The following ADAP2 variants were observed in gnomAD, a reference collection of about 807,000 sequenced individuals.
The protein encoded by ADAP2 is arf-GAP with dual PH domain-containing protein 2.
A neutral mutation model predicts 54.9 loss-of-function variants in ADAP2; 42 were observed. The observed-to-expected ratio is 0.77, with a 90% CI of 0.60 to 0.99. ADAP2 has a LOEUF of 0.99. Ranked by LOEUF, ADAP2 falls within the 50% of genes least tolerant of loss-of-function variation. The probability of loss-of-function intolerance (pLI) is 0.00; values close to 1 mark genes in which losing one functional copy is unlikely to be tolerated. For missense variants in ADAP2, 429 were observed against 480.4 expected (o/e 0.89, Z 1.00); for synonymous variants, 177 against 180.1 (o/e 0.98, Z 0.14).
chr17:30,941,421 T>G (rs1189802471), intron 5 of ADAP2, among the ~76,000 whole-genome samples: 1 of 152,246 alleles, frequency 6.6e-6, no homozygotes, highest in Non-Finnish European at 1.5e-5. Context: ...TAAACTTTTC[T>G]GAAAGCACCA....
intron 5 of ADAP2, among the ~76,000 whole-genome samples, chr17:30,939,475 CA>C (rs1358128862): frequency 6.8e-6 from 1 of 147,510 alleles, no homozygotes; most frequent in Admixed American, 6.8e-5. Context: ...CAAAGCACTT[CA>C]AAAAGTTCTT....
At position 30,957,926 on chromosome 17, in the gene ADAP2, G is replaced by A. The variant is rs1905190987; in HGVS notation, c.*57G>A. On this transcript the variant is annotated 3_prime_UTR_variant, in exon 11 of 11. Coordinates refer to ENST00000330889, the MANE Select transcript of ADAP2 (RefSeq NM_018404.3). Reference sequence around the variant, plus strand: ...CACCTGGAACTCCTTGTGGGAAGAAGTTTGCACCTCGGCCCTGGCTGCCCA... The same window carrying A: ...CACCTGGAACTCCTTGTGGGAAGAAATTTGCACCTCGGCCCTGGCTGCCCA... The A allele has an allele frequency of 6.4e-7, 1 of 1,565,086 alleles. No homozygotes were observed. Among genetic ancestry groups the A allele is most frequent in the Non-Finnish European group, 8.8e-7 (1 of 1,142,526 alleles).
chr17:30,953,432 G>A, intron 8 of ADAP2, 82 bp downstream of exon 8: 2 of 1,446,324 alleles, frequency 1.4e-6, no homozygotes, highest in African/African-American at 2.8e-5. Context: ...TGATTGTTAA[G>A]AGGACAGTGA....
chr17:30,930,964 G>A (rs1318019947), intron 3 of ADAP2, among the ~76,000 whole-genome samples: 1 of 152,138 alleles, frequency 6.6e-6, no homozygotes, highest in African/African-American at 2.4e-5. Flanking sequence ...TAACAATAGA[G>A]GTCTATTCCC....
Position 30,950,983 on chromosome 17 carries a change from C to G in ADAP2, c.741+1613C>G, listed in dbSNP as rs756390723. 3.3e-5 allele frequency among the ~76,000 whole-genome samples: 5 copies of G among 152,198 alleles called. No individual in the cohort carries two copies. The East Asian group carries it at 9.6e-4, about 29-fold the overall frequency. Reference sequence around the variant, plus strand: ...TTCCCCTGCCTCTCTCATCCACTGTCGGTACCTGATATCCATCCCGTGTCT... The same window carrying G: ...TTCCCCTGCCTCTCTCATCCACTGTGGGTACCTGATATCCATCCCGTGTCT... On this transcript the variant is annotated intron_variant, in intron 7 of 10. Coordinates refer to ENST00000330889, the MANE Select transcript of ADAP2 (RefSeq NM_018404.3).
intron 2 of ADAP2, among the ~76,000 whole-genome samples, chr17:30,924,738 G>C (rs1910896073): frequency 6.6e-6 from 1 of 152,300 alleles, no homozygotes; most frequent in Admixed American, 6.5e-5. Context: ...CAATGAACAA[G>C]ATAAGGTCCC....
chr17:30,924,385 A>G (rs557134683), intron 2 of ADAP2, among the ~76,000 whole-genome samples: 2 of 151,422 alleles, frequency 1.3e-5, no homozygotes, highest in East Asian at 3.9e-4. Flanking sequence ...AAAAAAAAAA[A>G]GTTGCTGTTA....
At chr17:30,940,919 C>T (rs1912227150) in intron 5 of ADAP2, among the ~76,000 whole-genome samples, 1 of 152,120 alleles carries the variant, frequency 6.6e-6, no homozygotes, top group Non-Finnish European at 1.5e-5. Context: ...TTTACCATGG[C>T]CTTTGTTCTT....
intron 8 of ADAP2, among the ~76,000 whole-genome samples, chr17:30,953,790 G>A (rs1904858839): frequency 6.6e-6 from 1 of 152,068 alleles, no homozygotes; most frequent in African/African-American, 2.4e-5. Context: ...GCCCACCTCA[G>A]CCTCCCAAAG....
At chr17:30,949,674 G>A (rs981423006) in intron 7 of ADAP2, among the ~76,000 whole-genome samples, 6 of 151,818 alleles carry the variant, frequency 4.0e-5, no homozygotes, top group African/African-American at 7.3e-5. Flanking sequence ...GTGTTAACCC[G>A]GGAGGCGGAG....
intron 9 of ADAP2, 40 bp from the exon 10 acceptor site, chr17:30,956,201 T>G: frequency 1.3e-6 from 2 of 1,597,360 alleles, no homozygotes; most frequent in Non-Finnish European, 1.7e-6. Context: ...CCCTCTGCCC[T>G]GGGGGCACCC....
chr17:30,957,886 C>G lies in ADAP2; in HGVS notation c.*17C>G, dbSNP rs2142616166. 1 of 1,611,102 alleles carries G rather than the reference C, an allele frequency of 6.2e-7. No homozygotes were observed. ...AGCAGGTGACCCATTAACTGAGGAA[C>G]TGGCTGCCACTGAACACCTGGAACT... is the stretch of plus-strand genomic sequence containing the variant. On this transcript the variant is annotated 3_prime_UTR_variant, in exon 11 of 11. Transcript: ENST00000330889.
Position 30,923,041 on chromosome 17 carries a change from C to T in ADAP2, c.196C>T (p.Leu66Phe). ...PDISRVKSVR[L>F]DFWDDSIVEF... ...CATCAGCAGAGTTAAATCTGTGCGA[C>T]TTGACTTCTGGGACGACAGTATTGT... The change falls in exon 2 of 11, where the codon CTT becomes TTT. Residue 66 changes from leucine to phenylalanine, a missense_variant. Physicochemically the swap from Leu to Phe is conservative, Grantham distance 22. Transcript: ENST00000330889. 1 of 1,613,990 alleles carries T rather than the reference C, an allele frequency of 6.2e-7. No individual in the cohort carries two copies. Among genetic ancestry groups the T allele is most frequent in the Non-Finnish European group, 8.5e-7 (1 of 1,180,004 alleles).
chr17:30,941,169 C>T (rs894504537), intron 5 of ADAP2, among the ~76,000 whole-genome samples: 3 of 152,146 alleles, frequency 2.0e-5, no homozygotes, highest in African/African-American at 7.2e-5. Context: ...AAAGTTTGCC[C>T]AGCTTTAATT....
Position 30,949,241 on chromosome 17 carries a change from C to A in ADAP2, c.658-46C>A, listed in dbSNP as rs537666328. 3.9e-6 allele frequency: 6 copies of A among 1,542,556 alleles called. No individual in the cohort carries two copies. The South Asian group carries it at 4.5e-5, about 12-fold the overall frequency. On this transcript the variant is annotated intron_variant, in intron 6 of 10. Transcript: ENST00000330889. ...GCCACCAGAGGTAGCTTCCCACCCA[C>A]CCCATCTCACTGCTGTGTGTGTGTC...
intron 5 of ADAP2, among the ~76,000 whole-genome samples, chr17:30,943,138 G>A (rs375322222): frequency 2.2e-4 from 33 of 152,306 alleles, no homozygotes; most frequent in Admixed American, 1.1e-3. Flanking sequence ...GGCAGAGGCC[G>A]GCGGATCACC....
chr17:30,956,394 G>C lies in ADAP2; in HGVS notation c.1036G>C (p.Glu346Gln). 1 of 1,614,232 alleles carries C rather than the reference G, an allele frequency of 6.2e-7. No individual in the cohort carries two copies. The highest frequency in any genetic ancestry group is 1.1e-5 in the South Asian group (1 of 91,084). The change falls in exon 10 of 11, where the codon GAG becomes CAG. Residue 346 changes from glutamate (E) to glutamine (Q), a missense_variant. Coordinates refer to ENST00000330889, the MANE Select transcript of ADAP2 (RefSeq NM_018404.3). The part of the protein sequence containing the change: ...ERRFVLTCPS[E>Q]KEQQEWLESL... ...GAGATTTGTCCTCACTTGCCCCAGT[G>C]AGAAGGAACAGCAGGAATGGCTGGA...
chr17:30,923,769 G>A lies in ADAP2; in HGVS notation c.225+699G>A, dbSNP rs191218769. ...AGGCTGGAGTGCAACGGCCAATCTC[G>A]GCTCACTGCAACCTCTGCCTCTTGG... On this transcript the variant is annotated intron_variant, in intron 2 of 10. Coordinates refer to ENST00000330889, the MANE Select transcript of ADAP2 (RefSeq NM_018404.3). 9.6e-5 allele frequency among the ~76,000 whole-genome samples: 13 copies of A among 136,078 alleles called. 1 individual carries two copies. The East Asian group carries it at 2.8e-3, about 30-fold the overall frequency. The allele number at this position is 136,078 out of a possible 152,430, so 89.3% of individuals were successfully genotyped here.
chr17:30,934,261 A>G lies in ADAP2; in HGVS notation c.474A>G (p.Ala158=). ...TGAGAAGGAAGTTTGTACTTCTGGCAAGAGAAGGCCTCCTGAAGTACTTCA... is the reference window on the plus strand; with the variant it reads ...TGAGAAGGAAGTTTGTACTTCTGGCGAGAGAAGGCCTCCTGAAGTACTTCA... ...QFLRRKFVLL[A]REGLLKYFTK... The change falls in exon 5 of 11, where the codon GCA becomes GCG. Residue 158 remains alanine, a synonymous_variant. Transcript: ENST00000330889. The G allele has an allele frequency of 3.1e-6, 5 of 1,614,084 alleles. No individual in the cohort carries two copies. The highest frequency in any genetic ancestry group is 4.2e-6 in the Non-Finnish European group (5 of 1,179,956).
Sources: gnomAD v4.1 joint callset for allele counts (sites outside exome capture counted in the v4.1 genomes callset) on GRCh38, gnomAD v4.1.1 for gene constraint, MANE v1.5 for transcripts, NCBI Gene and HGNC (gene_info 2026-07-23, HGNC 2026-07-21) for gene names.